Variants in MRPS35 observed in about 807,000 individuals in gnomAD.
MRPS35 encodes the protein small ribosomal subunit protein mS35.
In MRPS35, 29 loss-of-function variants were observed where a neutral mutation model predicts 32.7. The observed-to-expected ratio is 0.89, with a 90% CI of 0.66 to 1.21. The LOEUF (loss-of-function observed/expected upper bound fraction) is 1.21, where lower values mean the gene tolerates loss of function less well. Among genes scored for constraint, MRPS35 ranks in the 50% most tolerant of loss-of-function variants. The pLI, the probability that MRPS35 is intolerant of heterozygous loss-of-function variation, is 0.00. For synonymous variants in MRPS35, 148 were observed against 139.3 expected (o/e 1.06, Z -0.44); for missense variants, 373 against 383.8 (o/e 0.97, Z 0.23).
intron 4 of MRPS35, among the ~76,000 whole-genome samples, chr12:27,723,699 A>G (rs1416325701): frequency 6.6e-6 from 1 of 152,212 alleles, no homozygotes; most frequent in Non-Finnish European, 1.5e-5. Flanking sequence ...TGTGGGCACT[A>G]TGAACTGTTT....
intron 7 of MRPS35, 144 bp downstream of exon 7, chr12:27,737,752 C>T: frequency 3.2e-6 from 2 of 617,644 alleles, no homozygotes; most frequent in South Asian, 4.4e-5. Flanking sequence ...TCATAGGTAG[C>T]TTCTACTGAC....
Position 27,737,444 on chromosome 12 carries a change from CATT to C in MRPS35, c.633-92_633-90del. 4.9e-6 allele frequency: 4 copies of C among 808,128 alleles called. No homozygotes were observed. The South Asian group carries it at 6.0e-5, about 12-fold the overall frequency. 50.1% of individuals were successfully genotyped at this position (808,128 alleles called of 1,614,324 possible). ...AAAGCAGAAAAGGAATACCTGAAAA[CATT>C]ATCTTCTGTATTTAGTATATTGCAT... is the stretch of plus-strand genomic sequence containing the variant. On this transcript the variant is annotated intron_variant, in intron 6 of 7. Transcript: ENST00000081029.
chr12:27,744,187 A>G (rs1377438471), intron 7 of MRPS35, among the ~76,000 whole-genome samples: 2 of 152,170 alleles, frequency 1.3e-5, no homozygotes, highest in East Asian at 3.9e-4. Context: ...GGATTGTTCC[A>G]TGTATGTTTT....
chr12:27,727,090 A>G (rs1190740914), intron 5 of MRPS35, among the ~76,000 whole-genome samples: 1 of 151,246 alleles, frequency 6.6e-6, no homozygotes. Context: ...CCTCCCGAGT[A>G]GCTAGAACTA....
chr12:27,728,679 T>C (rs547311628), intron 5 of MRPS35, among the ~76,000 whole-genome samples: 2 of 152,232 alleles, frequency 1.3e-5, no homozygotes, highest in South Asian at 2.1e-4. Context: ...ATGTATCTTA[T>C]GTTATCTGGA....
chr12:27,752,089 TAAAA>T (rs1405532675), intron 7 of MRPS35, among the ~76,000 whole-genome samples: 1 of 32,054 alleles, frequency 3.1e-5, no homozygotes, highest in Non-Finnish European at 5.5e-5. Flanking sequence ...AAAAAAAAAA[TAAAA>T]TAAAATTAGC....
chr12:27,732,494 G>A (rs2061925444), intron 5 of MRPS35, among the ~76,000 whole-genome samples: 1 of 152,100 alleles, frequency 6.6e-6, no homozygotes, highest in South Asian at 2.1e-4. Flanking sequence ...GGCTGTTGAG[G>A]CTCAGTGGTG....
In MRPS35 at chr12:27,727,956, C is replaced by T. The variant is rs1049988977; in HGVS notation, c.522+3770C>T. Among the ~76,000 whole-genome samples, 6 of 152,000 alleles carry T rather than the reference C, an allele frequency of 3.9e-5. No homozygotes were observed. The East Asian group carries it at 7.7e-4, about 19-fold the overall frequency. ...AGATTACTTATAATGCCTAATACAA[C>T]GTAAATAGTTGTTATACTGTATTTT... On this transcript the variant is annotated intron_variant, in intron 5 of 7. Coordinates refer to ENST00000081029, the MANE Select transcript of MRPS35 (RefSeq NM_021821.4).
intron 4 of MRPS35, among the ~76,000 whole-genome samples, chr12:27,721,875 C>T (rs149682881): frequency 6.6e-6 from 1 of 151,902 alleles, no homozygotes; most frequent in Non-Finnish European, 1.5e-5. Flanking sequence ...TTGCTTGATC[C>T]CAGGAGTTTG....
chr12:27,754,215 C>T (rs567949658), intron 7 of MRPS35, among the ~76,000 whole-genome samples: 1 of 152,184 alleles, frequency 6.6e-6, no homozygotes, highest in East Asian at 1.9e-4. Flanking sequence ...GATGGCCCCA[C>T]TGTACTCCAG....
At chr12:27,746,428 G>T (rs1029523623) in intron 7 of MRPS35, among the ~76,000 whole-genome samples, 1 of 152,038 alleles carries the variant, frequency 6.6e-6, no homozygotes, top group Admixed American at 6.5e-5. Flanking sequence ...TTAAAATATC[G>T]AAATCTGAAA....
intron 7 of MRPS35, chr12:27,752,725 G>A (rs2062010682): frequency 1.3e-5 from 2 of 152,078 alleles, no homozygotes; most frequent in African/African-American, 4.8e-5. Context: ...ATTTTTTAAG[G>A]GGCTGACATT....
chr12:27,714,496 G>A (rs1028020700), intron 1 of MRPS35, among the ~76,000 whole-genome samples: 2 of 151,890 alleles, frequency 1.3e-5, no homozygotes, highest in Non-Finnish European at 2.9e-5. Context: ...TGAGGCAGGA[G>A]AATCACTTGA....
At position 27,726,224 on chromosome 12, in the gene MRPS35, T is replaced by A. The variant is rs1213409454; in HGVS notation, c.522+2038T>A. 3.3e-5 allele frequency among the ~76,000 whole-genome samples: 5 copies of A among 152,116 alleles called. No homozygotes were observed. In the East Asian group the frequency reaches 9.6e-4, roughly 29 times the overall value. The stretch of plus-strand genomic sequence containing the variant: ...ACTAATCTACTTTTTGTCTCTGGAT[T>A]TACCTATTCTTGATGTGTTACAGAA... On this transcript the variant is annotated intron_variant, in intron 5 of 7. Coordinates refer to ENST00000081029, the MANE Select transcript of MRPS35 (RefSeq NM_021821.4).
intron 7 of MRPS35, among the ~76,000 whole-genome samples, chr12:27,753,406 C>T (rs1481269989): frequency 1.3e-5 from 2 of 152,150 alleles, no homozygotes; most frequent in South Asian, 2.1e-4. Flanking sequence ...CCTCTTTACC[C>T]TTGGAGGAAC....
rs750837276 is a variant in MRPS35 at position 27,716,458 on chromosome 12, G to C, written c.321G>C (p.Lys107Asn). The change falls in exon 3 of 8, where the codon AAG becomes AAC. Residue 107 changes from lysine (K) to asparagine (N), a missense_variant and splice_region_variant. Coordinates refer to ENST00000081029, the MANE Select transcript of MRPS35 (RefSeq NM_021821.4). ...AGGAGGGAAATCTAGAACTTTTAAA[G>C]GTAAGACAAATTGCTGATTCATTGG... is the stretch of plus-strand genomic sequence containing the variant. ...MAKEGNLELL[K>N]IPNFLHLTPV... 1 of 1,613,894 alleles carries C rather than the reference G, an allele frequency of 6.2e-7. No individual in the cohort carries two copies. Among genetic ancestry groups the C allele is most frequent in the Admixed American group, 1.7e-5 (1 of 59,924 alleles).
chr12:27,750,997 G>C (rs1046661761), intron 7 of MRPS35, among the ~76,000 whole-genome samples: 1 of 151,472 alleles, frequency 6.6e-6, no homozygotes, highest in Non-Finnish European at 1.5e-5. Flanking sequence ...CAGCTACTTG[G>C]GGGGCTGAGG....
intron 7 of MRPS35, among the ~76,000 whole-genome samples, chr12:27,748,685 T>G (rs1256528943): frequency 2.6e-5 from 4 of 152,142 alleles, no homozygotes; most frequent in Admixed American, 6.5e-5. Flanking sequence ...TAAATTTTTT[T>G]TGTGTGACAA....
intron 7 of MRPS35, among the ~76,000 whole-genome samples, chr12:27,741,518 C>T (rs2061964736): frequency 6.6e-6 from 1 of 151,792 alleles, no homozygotes; most frequent in East Asian, 1.9e-4. Context: ...TCATGGTTTC[C>T]CAATTTCTAT....
Sources: allele counts gnomAD v4.1 joint callset (sites outside exome capture counted in the v4.1 genomes callset), GRCh38; gene constraint gnomAD v4.1.1; transcripts MANE v1.5; gene names NCBI Gene and HGNC (gene_info 2026-07-23, HGNC 2026-07-21).